KALRN: variants seen among roughly 807,000 people sequenced by gnomAD.
KALRN encodes kalirin.
KALRN carries 70 observed loss-of-function variants against 353.7 expected under a neutral mutation model. The ratio of observed to expected loss-of-function variants is 0.20; its 90% CI spans 0.16 to 0.24. KALRN has a LOEUF of 0.24. Among genes scored for constraint, KALRN ranks in the 10% least tolerant of loss-of-function variants. The pLI, the probability that KALRN is intolerant of heterozygous loss-of-function variation, is 1.00. For missense variants in KALRN, 2,791 were observed against 3,756.7 expected (o/e 0.74, Z 6.72); for synonymous variants, 1,391 against 1,434.8 (o/e 0.97, Z 0.69).
chr3:124,618,472 G>T (rs1342091286), intron 34 of KALRN, among the ~76,000 whole-genome samples: 2 of 152,126 alleles, frequency 1.3e-5, no homozygotes, highest in Non-Finnish European at 2.9e-5. Context: ...CTGGAAGTTA[G>T]CCTTGCCCAT....
rs780486751 is a variant in KALRN at position 124,664,371 on chromosome 3, G to GTGTGCGCGCGCGCGCGCA, written c.6346-2078_6346-2077insTGTGCGCGCGCGCGCGCA. Among the ~76,000 whole-genome samples, 7 of 77,076 alleles carry GTGTGCGCGCGCGCGCGCA rather than the reference G, an allele frequency of 9.1e-5. No individual in the cohort carries two copies. In the East Asian group the frequency reaches 2.2e-3, roughly 24 times the overall value. The allele number at this position is 77,076 out of a possible 152,430, so 50.6% of individuals were successfully genotyped here. A position where few individuals can be genotyped will look rare whatever the true frequency, so the allele number is the denominator to read the frequency against. On this transcript the variant is annotated intron_variant, in intron 45 of 59. Coordinates refer to ENST00000682506, the MANE Select transcript of KALRN (RefSeq NM_001388419.1). Reference sequence around the variant, plus strand: ...TGTGTGTGTGTGTGTGTGTGTGTGTGCGCGCGCGCGCATATAAGGGCACCC... The same window carrying GTGTGCGCGCGCGCGCGCA: ...TGTGTGTGTGTGTGTGTGTGTGTGTGTGTGCGCGCGCGCGCGCACGCGCGCGCGCATATAAGGGCACCC...
chr3:124,651,494 T>C (rs2581155), intron 38 of KALRN, among the ~76,000 whole-genome samples: 72,276 of 152,040 alleles, frequency 0.48, 17,519 homozygotes, highest in Middle Eastern at 0.61. Context: ...AAATTCATAA[T>C]GCAGAACAAT....
At position 124,719,161 on chromosome 3, in the gene KALRN, C is replaced by T. The variant is rs1288235858; in HGVS notation, c.8652C>T (p.Ser2884=). Residue 2884 remains serine, a synonymous_variant, in exon 60 of 60, where the codon AGC becomes AGT. Transcript: ENST00000682506. The surrounding 1 kb of genome is among the most constrained non-coding windows in gnomAD (Gnocchi z 5.3). The part of the protein sequence containing the change: ...LSGVSPFLDE[S]KEETCINVCR... ...GGGTCTCCCCCTTCTTGGATGAGAGCAAAGAGGAGACATGTATCAACGTAT... is the reference window on the plus strand; with the variant it reads ...GGGTCTCCCCCTTCTTGGATGAGAGTAAAGAGGAGACATGTATCAACGTAT... 8.7e-6 allele frequency: 14 copies of T among 1,614,238 alleles called. No individual in the cohort carries two copies. Among genetic ancestry groups the T allele is most frequent in the Non-Finnish European group, 1.2e-5 (14 of 1,180,038 alleles).
chr3:124,644,902 A>G (rs914559644), intron 37 of KALRN, among the ~76,000 whole-genome samples: 3 of 152,182 alleles, frequency 2.0e-5, no homozygotes, highest in Non-Finnish European at 4.4e-5. Context: ...GAATCACCAC[A>G]CTGTCTTCCA....
intron 6 of KALRN, among the ~76,000 whole-genome samples, chr3:124,317,579 C>A (rs1207774283): frequency 6.6e-6 from 1 of 152,002 alleles, no homozygotes; most frequent in African/African-American, 2.4e-5. Context: ...AATGTGCATA[C>A]CTATAACCTG....
Position 124,352,736 on chromosome 3 carries a change from C to A in KALRN, c.1770+5471C>A, listed in dbSNP as rs535534917. Among the ~76,000 whole-genome samples, 14 of 151,386 alleles carry A rather than the reference C, an allele frequency of 9.2e-5. No homozygotes were observed. In the South Asian group the frequency reaches 2.9e-3, roughly 32 times the overall value. ...AAAAAAATCATTCTGAAACTGGAAACCATCATTCTCAGCAAAGTAACACAA... is the reference window on the plus strand; with the variant it reads ...AAAAAAATCATTCTGAAACTGGAAAACATCATTCTCAGCAAAGTAACACAA... On this transcript the variant is annotated intron_variant, in intron 10 of 59. Transcript: ENST00000682506.
chr3:124,580,895 C>A (rs918890256), intron 34 of KALRN, among the ~76,000 whole-genome samples: 3 of 151,512 alleles, frequency 2.0e-5, no homozygotes, highest in African/African-American at 7.3e-5. Flanking sequence ...ATCGCTTGAG[C>A]CCAGGAGTTC....
chr3:124,085,821 A>T (rs1417048369), intron 1 of KALRN, among the ~76,000 whole-genome samples: 1 of 152,240 alleles, frequency 6.6e-6, no homozygotes, highest in Admixed American at 6.5e-5. Flanking sequence ...TTCTTCAGGG[A>T]TAACTACTGT....
chr3:124,613,999 C>T (rs1391664251), intron 34 of KALRN, among the ~76,000 whole-genome samples: 1 of 152,170 alleles, frequency 6.6e-6, no homozygotes, highest in African/African-American at 2.4e-5. Flanking sequence ...ACACCATTTT[C>T]AGTGACAATT....
At chr3:124,546,722 G>A (rs148609151) in intron 33 of KALRN, among the ~76,000 whole-genome samples, 84 of 152,260 alleles carry the variant, frequency 5.5e-4, no homozygotes, top group African/African-American at 1.9e-3. Flanking sequence ...GGAGTGTCTC[G>A]GAAGGATCTC....
intron 34 of KALRN, among the ~76,000 whole-genome samples, chr3:124,599,680 C>T (rs2076614404): frequency 6.6e-6 from 1 of 152,192 alleles, no homozygotes; most frequent in South Asian, 2.1e-4. Flanking sequence ...TTTCCAATTC[C>T]CATTCCACAA....
chr3:124,355,422 T>C (rs2083280347), intron 10 of KALRN, among the ~76,000 whole-genome samples: 1 of 152,184 alleles, frequency 6.6e-6, no homozygotes, highest in Admixed American at 6.5e-5. Context: ...GATTGTGAAG[T>C]TGAAGTAACT....
chr3:124,679,471 C>A lies in KALRN; in HGVS notation c.7331C>A (p.Ser2444Tyr), dbSNP rs1448302467. 1 of 1,613,860 alleles carries A rather than the reference C, an allele frequency of 6.2e-7. No individual in the cohort carries two copies. Among genetic ancestry groups the A allele is most frequent in the Non-Finnish European group, 8.5e-7 (1 of 1,179,868 alleles). ...CTGCCAATCAAGGAGACGAACAGTT[C>A]CGAGGAATCAGAGTGTGATGATCTT... ...NKVSVKETNS[S>Y]EESECDDLDP... Residue 2444 changes from serine to tyrosine, a missense_variant, in exon 51 of 60, where the codon TCC (serine) becomes TAC (tyrosine). Coordinates refer to ENST00000682506, the MANE Select transcript of KALRN (RefSeq NM_001388419.1).
intron 1 of KALRN, among the ~76,000 whole-genome samples, chr3:124,057,147 G>A (rs188502378): frequency 6.6e-6 from 1 of 152,228 alleles, no homozygotes. Flanking sequence ...TGGGGAGGAC[G>A]ATCTGCAGAC....
chr3:124,144,601 TCTCCTCCTCTTCCTCATC>T (rs145917451), intron 1 of KALRN, among the ~76,000 whole-genome samples: 38,464 of 136,082 alleles, frequency 0.28, 5,734 homozygotes, highest in East Asian at 0.46. Context: ...TCGTCTTCCT[TCTCCTCCTCTTCCTCATC>T]CTCCTCCTCT....
intron 1 of KALRN, among the ~76,000 whole-genome samples, chr3:124,151,606 G>T (rs1297453283): frequency 1.3e-5 from 2 of 152,020 alleles, no homozygotes; most frequent in Non-Finnish European, 2.9e-5. Context: ...GTCCTTTGTG[G>T]AATATATGTA....
At chr3:124,649,432 A>C (rs1041541358) in intron 37 of KALRN, among the ~76,000 whole-genome samples, 1 of 152,170 alleles carries the variant, frequency 6.6e-6, no homozygotes, top group African/African-American at 2.4e-5. Flanking sequence ...CTACTAAATG[A>C]AACTGTTTCT....
intron 10 of KALRN, among the ~76,000 whole-genome samples, chr3:124,364,348 C>A (rs1260832038): frequency 6.6e-6 from 1 of 152,158 alleles, no homozygotes; most frequent in Non-Finnish European, 1.5e-5. Flanking sequence ...GGAGCCTGAA[C>A]CTCATGACCC....
At chr3:124,643,630 T>A (rs2082355380) in intron 37 of KALRN, among the ~76,000 whole-genome samples, 1 of 152,186 alleles carries the variant, frequency 6.6e-6, no homozygotes, top group African/African-American at 2.4e-5. Flanking sequence ...TATGGGCATG[T>A]GTCGCCATGC....
Sources: gnomAD v4.1 joint callset for allele counts (sites outside exome capture counted in the v4.1 genomes callset) on GRCh38, gnomAD v4.1.1 for gene constraint, Gnocchi (gnomAD v3.1) non-coding constraint, MANE v1.5 for transcripts, NCBI Gene and HGNC (gene_info 2026-07-23, HGNC 2026-07-21) for gene names.